The following CPXM2 variants were observed in gnomAD, a reference collection of about 807,000 sequenced individuals.
The protein encoded by CPXM2 is carboxypeptidase X, M14 family member 2, also known as inactive carboxypeptidase-like protein X2.
CPXM2 carries 66 observed loss-of-function variants against 86.1 expected under a neutral mutation model. The ratio of observed to expected loss-of-function variants is 0.77; its 90% CI spans 0.63 to 0.94. The LOEUF (loss-of-function observed/expected upper bound fraction) is 0.94, where lower values mean the gene tolerates loss of function less well. Among genes scored for constraint, CPXM2 ranks in the 40% least tolerant of loss-of-function variants. CPXM2 has a pLI of 0.00. For missense variants in CPXM2, 948 were observed against 1,026.3 expected (o/e 0.92, Z 1.04); for synonymous variants, 388 against 400.2 (o/e 0.97, Z 0.36).
At chr10:123,933,852 A>T (rs2134289097) in intron 2 of CPXM2, among the ~76,000 whole-genome samples, 1 of 152,172 alleles carries the variant, frequency 6.6e-6, no homozygotes, top group Middle Eastern at 3.4e-3. Context: ...GGAGGAAGGG[A>T]GCTCATCTTC....
intron 4 of CPXM2, among the ~76,000 whole-genome samples, chr10:123,836,609 C>G (rs1399192979): frequency 5.3e-5 from 8 of 152,190 alleles, no homozygotes; most frequent in African/African-American, 1.9e-4. Flanking sequence ...GCTCTCTGTC[C>G]CTTATCTCAA....
upstream of CPXM2, chr10:123,891,898 T>G (rs947994566): frequency 3.3e-5 from 5 of 152,136 alleles, no homozygotes; most frequent in African/African-American, 1.2e-4. The surrounding 1 kb of genome is among the most constrained non-coding windows in gnomAD (Gnocchi z 5.6). Flanking sequence ...GCCCCGCCCT[T>G]CCTTCTTCCC....
intron 6 of CPXM2, among the ~76,000 whole-genome samples, chr10:123,794,318 A>G (rs1202956274): frequency 1.3e-5 from 2 of 152,182 alleles, no homozygotes; most frequent in African/African-American, 4.8e-5. Flanking sequence ...TCAAAGCCCC[A>G]CACATTCATC....
rs142850222 is a variant in CPXM2, at chr10:123,759,305, G to C, written c.1778-1953C>G. 2.9e-3 allele frequency among the ~76,000 whole-genome samples: 447 copies of C among 152,324 alleles called. 2 individuals carry two copies. The highest frequency in any genetic ancestry group is 0.011 in the African/African-American group (437 of 41,566). ...CGGGAGAGCTGAACACCTGTCTACA[G>C]AGAAAATGATTGTCACTTCCACCCT... On this transcript the variant is annotated intron_variant, in intron 11 of 13. Transcript: ENST00000241305.
chr10:123,748,294 G>T (rs1459957535), intron 13 of CPXM2, among the ~76,000 whole-genome samples: 1 of 152,136 alleles, frequency 6.6e-6, no homozygotes, highest in Non-Finnish European at 1.5e-5. Context: ...GAAAAGGTTG[G>T]GTTTGATCAA....
intron 4 of CPXM2, among the ~76,000 whole-genome samples, chr10:123,800,894 T>C (rs977165929): frequency 6.6e-6 from 1 of 152,208 alleles, no homozygotes; most frequent in Non-Finnish European, 1.5e-5. Context: ...TCCTGCCTAG[T>C]TGACCCCTCC....
chr10:123,857,775 C>G (rs1222359596), intron 3 of CPXM2, among the ~76,000 whole-genome samples: 1 of 152,228 alleles, frequency 6.6e-6, no homozygotes, highest in Non-Finnish European at 1.5e-5. Flanking sequence ...ACAGGAGGCA[C>G]AGGGCACCAC....
In CPXM2 at chr10:123,854,373, TAA is replaced by T. The variant is rs1491392459; in HGVS notation, c.513+8239_513+8240del. ...ATATATATATAAAAATATATATATA[TAA>T]TATATATATAATATATATATTATAT... On this transcript the variant is annotated intron_variant, in intron 3 of 13. Transcript: ENST00000241305. 7.9e-3 allele frequency among the ~76,000 whole-genome samples: 660 copies of T among 83,036 alleles called. 13 individuals are homozygous for T. The highest frequency in any genetic ancestry group is 0.032 in the African/African-American group (629 of 19,372). 54.5% of individuals were successfully genotyped at this position (83,036 alleles called of 152,430 possible).
chr10:123,938,606 G>T lies in CPXM2; in HGVS notation n.174+871C>A, dbSNP rs548127421. Among the ~76,000 whole-genome samples the T allele has an allele frequency of 3.3e-5, 5 of 152,304 alleles. No individual in the cohort carries two copies. In the East Asian group the frequency reaches 9.7e-4, roughly 29 times the overall value. ...CTCCTGGAGCTGCAAGGGAGCCTGG[G>T]ACACTGTGCACCTGGCCAAGGGGAA... On this transcript the variant is annotated intron_variant and non_coding_transcript_variant, in intron 2 of 19. Transcript: ENST00000368854.
Position 123,933,081 on chromosome 10 carries a change from G to T in CPXM2, n.174+6396C>A, listed in dbSNP as rs566358675. 3.3e-5 allele frequency among the ~76,000 whole-genome samples: 5 copies of T among 152,362 alleles called. No homozygotes were observed. In the South Asian group the frequency reaches 1.0e-3, roughly 32 times the overall value. Reference sequence around the variant, plus strand: ...TTAGGGACAATAACTGACCAAGGAGGTGTCAAGTAAAGCTACCTTGAATGC... The same window carrying T: ...TTAGGGACAATAACTGACCAAGGAGTTGTCAAGTAAAGCTACCTTGAATGC... On this transcript the variant is annotated intron_variant and non_coding_transcript_variant, in intron 2 of 19. Coordinates refer to the CPXM2 transcript ENST00000368854.
intron 2 of CPXM2, among the ~76,000 whole-genome samples, chr10:123,910,144 C>T (rs74376041): frequency 0.012 from 1,831 of 152,278 alleles, 43 homozygotes; most frequent in African/African-American, 0.042. Context: ...CCAGCCCCAC[C>T]GAGCTGGCCC....
At chr10:123,802,730 C>T (rs1488141150) in intron 4 of CPXM2, among the ~76,000 whole-genome samples, 1 of 152,168 alleles carries the variant, frequency 6.6e-6, no homozygotes, top group Non-Finnish European at 1.5e-5. Context: ...CGTTCAGCCG[C>T]ATTATTTTCC....
intron 11 of CPXM2, among the ~76,000 whole-genome samples, chr10:123,760,144 A>G (rs1846300396): frequency 6.6e-6 from 1 of 152,220 alleles, no homozygotes; most frequent in Non-Finnish European, 1.5e-5. Context: ...GATAGAAAAA[A>G]AATCAAACGC....
intron 2 of CPXM2, among the ~76,000 whole-genome samples, chr10:123,937,470 AACACACACAC>A (rs201368456): frequency 0.044 from 5,875 of 132,600 alleles, 140 homozygotes; most frequent in South Asian, 0.11. Flanking sequence ...ACAACAAAAC[AACACACACAC>A]ACACACACAC....
chr10:123,788,905 C>G (rs1248502357), intron 6 of CPXM2, among the ~76,000 whole-genome samples: 1 of 151,804 alleles, frequency 6.6e-6, no homozygotes, highest in African/African-American at 2.4e-5. Context: ...GAAAGGATCC[C>G]TGGCCCCAAA....
intron 4 of CPXM2, among the ~76,000 whole-genome samples, chr10:123,820,465 G>C (rs562642795): frequency 6.6e-6 from 1 of 152,326 alleles, no homozygotes; most frequent in East Asian, 1.9e-4. Context: ...GTCCCACTTT[G>C]GGCTTTATGC....
chr10:123,824,930 C>A (rs1319797824), intron 4 of CPXM2, among the ~76,000 whole-genome samples: 1 of 152,230 alleles, frequency 6.6e-6, no homozygotes, highest in Non-Finnish European at 1.5e-5. Flanking sequence ...AGTGGGAAGG[C>A]AAGGCCAATG....
chr10:123,849,437 C>CTT (rs11317738), intron 3 of CPXM2, among the ~76,000 whole-genome samples: 175 of 110,126 alleles, frequency 1.6e-3, no homozygotes, highest in Non-Finnish European at 2.2e-3. Context: ...AACGTTCACT[C>CTT]TTTTTTTTTT....
intron 4 of CPXM2, among the ~76,000 whole-genome samples, chr10:123,807,502 G>A (rs961600522): frequency 1.9e-4 from 29 of 152,128 alleles, no homozygotes; most frequent in Non-Finnish European, 2.2e-4. Flanking sequence ...TAGCTTCTGG[G>A]AATACAAAGG....
Sources: allele counts gnomAD v4.1 joint callset (sites outside exome capture counted in the v4.1 genomes callset), GRCh38; gene constraint gnomAD v4.1.1; non-coding constraint Gnocchi (gnomAD v3.1); transcripts MANE v1.5; gene names NCBI Gene and HGNC (gene_info 2026-07-23, HGNC 2026-07-21).